Variants in HIP1 observed in about 807,000 individuals in gnomAD.
HIP1 encodes huntingtin-interacting protein 1.
A neutral mutation model predicts 147.6 loss-of-function variants in HIP1; 65 were observed. The ratio of observed to expected loss-of-function variants is 0.44; its 90% CI spans 0.36 to 0.54. The LOEUF (loss-of-function observed/expected upper bound fraction) is 0.54, where lower values mean the gene tolerates loss of function less well. Among genes scored for constraint, HIP1 ranks in the 20% least tolerant of loss-of-function variants. The probability of loss-of-function intolerance (pLI) is 0.00; values close to 1 mark genes in which losing one functional copy is unlikely to be tolerated. For synonymous variants in HIP1, 479 were observed against 504.0 expected, an observed-to-expected ratio of 0.95 and a Z score of 0.67; for missense variants, 1,061 against 1,299.6, an observed-to-expected ratio of 0.82 and a Z score of 2.82.
chr7:75,700,998 C>T (rs1274822466), intron 1 of HIP1, among the ~76,000 whole-genome samples: 1 of 152,174 alleles, frequency 6.6e-6, no homozygotes, highest in Non-Finnish European at 1.5e-5. Flanking sequence ...AGCCACCACA[C>T]CCGGCCCCTG....
intron 1 of HIP1, among the ~76,000 whole-genome samples, chr7:75,605,285 G>A (rs1797181325): frequency 6.6e-6 from 1 of 152,176 alleles, no homozygotes; most frequent in Non-Finnish European, 1.5e-5. Context: ...CAGATGACAG[G>A]CCTTCTGGGC....
At chr7:75,674,637 T>C (rs868954182) in intron 1 of HIP1, among the ~76,000 whole-genome samples, 8 of 151,862 alleles carry the variant, frequency 5.3e-5, no homozygotes, top group African/African-American at 1.7e-4. Context: ...GGACTACAGA[T>C]GCCTGCCACC....
At chr7:75,663,958 GTGTATATATATATACACATA>G (rs1799402438) in intron 1 of HIP1, among the ~76,000 whole-genome samples, 1 of 71,310 alleles carries the variant, frequency 1.4e-5, no homozygotes, top group East Asian at 3.8e-4. Context: ...ACACATATAT[GTGTATATATATATACACATA>G]TATGTGTATA....
At chr7:75,597,861 G>T (rs1448155923) in intron 2 of HIP1, among the ~76,000 whole-genome samples, 1 of 151,988 alleles carries the variant, frequency 6.6e-6, no homozygotes, top group East Asian at 1.9e-4. Flanking sequence ...CAGCCTTTGG[G>T]GATTAAGCGC....
At chr7:75,598,431 T>A (rs1253865880) in intron 2 of HIP1, among the ~76,000 whole-genome samples, 1 of 150,132 alleles carries the variant, frequency 6.7e-6, no homozygotes, top group Non-Finnish European at 1.5e-5. Context: ...TCTTTTTCTT[T>A]TTTTTTTGCT....
chr7:75,688,426 G>C (rs1174138239), intron 1 of HIP1, among the ~76,000 whole-genome samples: 2 of 152,094 alleles, frequency 1.3e-5, no homozygotes, highest in Admixed American at 6.5e-5. Context: ...GCGTCTGCAG[G>C]GGGTGGGGGG....
At chr7:75,560,991 C>T (rs1392544743) in intron 13 of HIP1, among the ~76,000 whole-genome samples, 1 of 145,256 alleles carries the variant, frequency 6.9e-6, no homozygotes, top group Non-Finnish European at 1.5e-5. Context: ...CTTGTTCTAT[C>T]GCCCAGGCTG....
intron 1 of HIP1, among the ~76,000 whole-genome samples, chr7:75,687,380 G>A (rs1800296835): frequency 6.6e-6 from 1 of 152,114 alleles, no homozygotes; most frequent in African/African-American, 2.4e-5. Flanking sequence ...TTATCCTGCT[G>A]TGAATATCTA....
At chr7:75,597,911 G>GT (rs1796808410) in intron 2 of HIP1, among the ~76,000 whole-genome samples, 1 of 152,060 alleles carries the variant, frequency 6.6e-6, no homozygotes, top group Non-Finnish European at 1.5e-5. Context: ...CAGATTCCTA[G>GT]GGATTCATCA....
Position 75,573,546 on chromosome 7 carries a change from C to T in HIP1, c.745+215G>A, listed in dbSNP as rs587636795. On this transcript the variant is annotated intron_variant, in intron 8 of 30. Coordinates refer to ENST00000336926, the MANE Select transcript of HIP1 (RefSeq NM_005338.7). ...CCCCAAAGATCCTGTAACACTGGGA[C>T]GCAAGAGTGGCAAGCCAGGGGCTTT... 1.6e-4 allele frequency among the ~76,000 whole-genome samples: 24 copies of T among 152,314 alleles called. 1 individual carries two copies. In the South Asian group the frequency reaches 3.1e-3, roughly 20 times the overall value.
intron 2 of HIP1, among the ~76,000 whole-genome samples, chr7:75,592,955 G>T (rs1474944041): frequency 6.6e-6 from 1 of 152,080 alleles, no homozygotes; most frequent in African/African-American, 2.4e-5. Flanking sequence ...TGTGTCCTTC[G>T]GGAATAACTA....
chr7:75,716,813 C>T (rs888767904), intron 1 of HIP1, among the ~76,000 whole-genome samples: 2 of 149,378 alleles, frequency 1.3e-5, no homozygotes, highest in Non-Finnish European at 2.9e-5. Context: ...ACCACCACGC[C>T]CAGCTTTTTT....
At chr7:75,711,427 A>G (rs1464815619) in intron 1 of HIP1, among the ~76,000 whole-genome samples, 5 of 152,172 alleles carry the variant, frequency 3.3e-5, no homozygotes, top group African/African-American at 1.2e-4. Context: ...AAATGTAGAC[A>G]TTTACAGACA....
At chr7:75,602,133 TG>T (rs1319013382) in intron 1 of HIP1, among the ~76,000 whole-genome samples, 1 of 151,456 alleles carries the variant, frequency 6.6e-6, no homozygotes, top group Non-Finnish European at 1.5e-5. Context: ...CCCAAGTAGC[TG>T]GGACTACAGG....
intron 1 of HIP1, among the ~76,000 whole-genome samples, chr7:75,641,243 T>A (rs553799339): frequency 5.3e-4 from 81 of 151,956 alleles, no homozygotes; most frequent in Non-Finnish European, 1.0e-3. Flanking sequence ...GAGGCAGAGG[T>A]TGCAGAGGGC....
chr7:75,732,306 G>A (rs2117409048), intron 1 of HIP1, among the ~76,000 whole-genome samples: 1 of 152,230 alleles, frequency 6.6e-6, no homozygotes, highest in Non-Finnish European at 1.5e-5. Context: ...AACGCAGGAT[G>A]CATTAAGATC....
In HIP1 at chr7:75,545,041, A is replaced by G. The variant is rs587631296; in HGVS notation, c.2660+47T>C. The stretch of plus-strand genomic sequence containing the variant: ...CTTAGCTATTGTTTGGAGTGGATCA[A>G]TGGAAGAGGGGTCATGGGAGGACCC... On this transcript the variant is annotated intron_variant, in intron 26 of 30. Transcript: ENST00000336926. 33 of 1,131,442 alleles carry G rather than the reference A, an allele frequency of 2.9e-5. No homozygotes were observed. In the South Asian group the frequency reaches 3.9e-4, roughly 13 times the overall value. The allele number at this position is 1,131,442 out of a possible 1,614,324, so 70.1% of individuals were successfully genotyped here.
At chr7:75,611,725 C>T in intron 1 of HIP1, 2 of 1,035,520 alleles carry the variant, frequency 1.9e-6, no homozygotes, top group Non-Finnish European at 2.3e-6. Context: ...CTCTGGACTT[C>T]CCTGGAGTCA....
chr7:75,677,586 C>A (rs1799938963), intron 1 of HIP1, among the ~76,000 whole-genome samples: 2 of 114,816 alleles, frequency 1.7e-5, no homozygotes, highest in South Asian at 2.9e-4. Flanking sequence ...GCCTGGGCAA[C>A]AGTGCAAGAC....
Sources: allele counts gnomAD v4.1 joint callset (sites outside exome capture counted in the v4.1 genomes callset), GRCh38; gene constraint gnomAD v4.1.1; transcripts MANE v1.5; gene names NCBI Gene and HGNC (gene_info 2026-07-23, HGNC 2026-07-21).